The following GPC5 variants were observed in gnomAD, a reference collection of about 807,000 sequenced individuals.
GPC5 encodes the protein glypican 5, also known as glypican-5.
In GPC5, 47 loss-of-function variants were observed where a neutral mutation model predicts 53.9. The ratio of observed to expected loss-of-function variants is 0.87; its 90% CI spans 0.69 to 1.11. GPC5 has a LOEUF of 1.11. Among genes scored for constraint, GPC5 ranks in the 50% most tolerant of loss-of-function variants. GPC5 has a pLI of 0.00. For synonymous variants in GPC5, 286 were observed against 263.3 expected, an observed-to-expected ratio of 1.09 and a Z score of -0.84; for missense variants, 748 against 713.1, an observed-to-expected ratio of 1.05 and a Z score of -0.56.
At chr13:92,120,432 A>G (rs1160091479) in intron 6 of GPC5, among the ~76,000 whole-genome samples, 1 of 151,928 alleles carries the variant, frequency 6.6e-6, no homozygotes, top group African/African-American at 2.4e-5. Context: ...TATTTTTTAA[A>G]ATTTTTTTGT....
At chr13:92,363,734 CTT>C (rs1405222256) in intron 7 of GPC5, among the ~76,000 whole-genome samples, 3 of 151,820 alleles carry the variant, frequency 2.0e-5, no homozygotes, top group Admixed American at 1.3e-4. Context: ...TTTTGGGTAA[CTT>C]AACTGAATGC....
chr13:91,992,342 T>G (rs1226880067), intron 6 of GPC5, among the ~76,000 whole-genome samples: 1 of 152,188 alleles, frequency 6.6e-6, no homozygotes, highest in East Asian at 1.9e-4. Context: ...CTAAGGGTTA[T>G]AGTTATTATT....
At chr13:92,204,191 C>A (rs1007599796) in intron 7 of GPC5, among the ~76,000 whole-genome samples, 1 of 151,924 alleles carries the variant, frequency 6.6e-6, no homozygotes, top group Non-Finnish European at 1.5e-5. Context: ...TAGTGAGAGA[C>A]AAGGAAATTC....
chr13:91,908,109 G>T (rs1439195387), intron 6 of GPC5, 52 bp downstream of exon 6: 1 of 1,283,270 alleles, frequency 7.8e-7, no homozygotes, highest in Non-Finnish European at 1.0e-6. Context: ...ATAATAAGTG[G>T]TTACTTTCTG....
chr13:92,166,978 A>C (rs1035579589), intron 7 of GPC5, among the ~76,000 whole-genome samples: 3 of 151,112 alleles, frequency 2.0e-5, no homozygotes, highest in African/African-American at 7.4e-5. Flanking sequence ...ACACACACAC[A>C]CACACACACA....
chr13:91,707,713 A>G (rs73607073), intron 3 of GPC5, among the ~76,000 whole-genome samples: 1,541 of 152,338 alleles, frequency 0.01, 25 homozygotes, highest in African/African-American at 0.034. Context: ...GAGGGAATGT[A>G]AAATGCTGCA....
At position 91,693,843 on chromosome 13, in the gene GPC5, T is replaced by C; in HGVS notation, c.982T>C (p.Leu328=). 1.2e-6 allele frequency: 2 copies of C among 1,608,086 alleles called. No homozygotes were observed. The highest frequency in any genetic ancestry group is 1.7e-6 in the Non-Finnish European group (2 of 1,177,776). ...TCACTTGCTTGTTAATGATGCTGTG[T>C]TACAGGCTCACCTCAATGGACAAAA... is the stretch of plus-strand genomic sequence containing the variant. ...NFHLLVNDAV[L]QAHLNGQKLL... The change falls in exon 3 of 8, where the codon TTA becomes CTA. Residue 328 remains leucine, a synonymous_variant. Transcript: ENST00000377067.
intron 7 of GPC5, among the ~76,000 whole-genome samples, chr13:92,744,358 C>G (rs1342226782): frequency 6.6e-6 from 1 of 151,696 alleles, no homozygotes; most frequent in East Asian, 1.9e-4. Flanking sequence ...TATAACCATT[C>G]AATAGAAGGT....
At chr13:92,746,091 C>T (rs1217856979) in intron 7 of GPC5, among the ~76,000 whole-genome samples, 1 of 152,052 alleles carries the variant, frequency 6.6e-6, no homozygotes, top group Non-Finnish European at 1.5e-5. Context: ...ACCAGTCCAA[C>T]AAAACCTGTA....
intron 7 of GPC5, among the ~76,000 whole-genome samples, chr13:92,832,155 A>G (rs1465064192): frequency 6.6e-6 from 1 of 152,222 alleles, no homozygotes; most frequent in Non-Finnish European, 1.5e-5. Flanking sequence ...AAAAAAATAG[A>G]ATCTCAAAAG....
chr13:91,459,467 A>G (rs947947388), intron 2 of GPC5, among the ~76,000 whole-genome samples: 4 of 125,026 alleles, frequency 3.2e-5, no homozygotes, highest in Admixed American at 7.7e-5. Context: ...GGACATAGTA[A>G]GAAAAGAATT....
At chr13:91,665,505 C>CTTTTTTTTCTTTTTCT (rs1555335536) in intron 2 of GPC5, among the ~76,000 whole-genome samples, 1 of 146,132 alleles carries the variant, frequency 6.8e-6, no homozygotes, top group African/African-American at 2.6e-5. Context: ...AAAAGCCAGT[C>CTTTTTTTTCTTTTTCT]TTTTTTTTTT....
intron 6 of GPC5, among the ~76,000 whole-genome samples, chr13:92,082,066 C>G (rs1184952261): frequency 6.6e-6 from 1 of 152,036 alleles, no homozygotes. Flanking sequence ...GATGAGTTTC[C>G]TAGTAGCTAT....
chr13:92,692,086 A>G (rs1277194958), intron 7 of GPC5, among the ~76,000 whole-genome samples: 1 of 152,030 alleles, frequency 6.6e-6, no homozygotes, highest in African/African-American at 2.4e-5. Flanking sequence ...ATCCATGTGT[A>G]CCCTATGTTT....
chr13:92,691,555 C>G (rs12429761), intron 7 of GPC5, among the ~76,000 whole-genome samples: 1 of 151,972 alleles, frequency 6.6e-6, no homozygotes, highest in African/African-American at 2.4e-5. Flanking sequence ...AGCTGTAGAC[C>G]GGAGCTGTTC....
intron 7 of GPC5, among the ~76,000 whole-genome samples, chr13:92,693,122 C>A (rs1289272507): frequency 1.3e-5 from 2 of 152,086 alleles, no homozygotes; most frequent in African/African-American, 4.8e-5. Context: ...TTGTAAGTTT[C>A]CTGAGGCCTT....
rs142700622 is a variant in GPC5 at position 92,218,389 on chromosome 13, C to T, written c.1561+73400C>T. On this transcript the variant is annotated intron_variant, in intron 7 of 7. Coordinates refer to ENST00000377067, the MANE Select transcript of GPC5 (RefSeq NM_004466.6). ...CATTCACTTCCATCTAGTTTCTGGA[C>T]GTACATGGTCAAGTGATGTTACTTT... Among the ~76,000 whole-genome samples, 549 of 152,218 alleles carry T rather than the reference C, an allele frequency of 3.6e-3. 4 individuals carry two copies. Among genetic ancestry groups the T allele is most frequent in the African/African-American group, 0.013 (525 of 41,526 alleles).
At chr13:92,429,274 T>C (rs1000275080) in intron 7 of GPC5, among the ~76,000 whole-genome samples, 1 of 151,952 alleles carries the variant, frequency 6.6e-6, no homozygotes, top group African/African-American at 2.4e-5. Context: ...AAGAGAATCA[T>C]TAAGTTCCTC....
chr13:92,381,549 G>A (rs1346389302), intron 7 of GPC5, among the ~76,000 whole-genome samples: 2 of 152,122 alleles, frequency 1.3e-5, no homozygotes, highest in African/African-American at 2.4e-5. Flanking sequence ...TACACTGCTT[G>A]TGGGAATGTA....
Sources: gnomAD v4.1 joint callset for allele counts (sites outside exome capture counted in the v4.1 genomes callset) on GRCh38, gnomAD v4.1.1 for gene constraint, MANE v1.5 for transcripts, NCBI Gene and HGNC (gene_info 2026-07-23, HGNC 2026-07-21) for gene names.